Variants in ADGRL3 observed in about 807,000 individuals in gnomAD.
ADGRL3 encodes the protein calcium-independent alpha-latrotoxin receptor 3.
In ADGRL3, 62 loss-of-function variants were observed where a neutral mutation model predicts 153.5. The observed-to-expected ratio is 0.40, with a 90% CI of 0.33 to 0.50. The LOEUF is 0.50. ADGRL3 is among the 20% of genes least tolerant of loss of function. The pLI, the probability that ADGRL3 is intolerant of heterozygous loss-of-function variation, is 0.47. For synonymous variants in ADGRL3, 710 were observed against 672.5 expected (o/e 1.06, Z -0.86); for missense variants, 1,641 against 1,859.4 (o/e 0.88, Z 2.16).
rs367957566 is a variant in ADGRL3, at chr4:61,801,272, AT to A, written c.1400-12528del. 9.0e-3 allele frequency among the ~76,000 whole-genome samples: 1,365 copies of A among 151,626 alleles called. 15 individuals carry two copies. Among genetic ancestry groups the A allele is most frequent in the African/African-American group, 0.031 (1,291 of 41,360 alleles). On this transcript the variant is annotated intron_variant, in intron 8 of 26. Coordinates refer to ENST00000683033, the MANE Select transcript of ADGRL3 (RefSeq NM_001387552.1). ...TAATGGCTTTTGGTAGGTATATGTGATTTTTTTTTCTTGAGATATTAATACA... is the reference window on the plus strand; with the variant it reads ...TAATGGCTTTTGGTAGGTATATGTGATTTTTTTTCTTGAGATATTAATACA...
chr4:61,789,005 A>G (rs2097309219), intron 8 of ADGRL3, among the ~76,000 whole-genome samples: 1 of 152,180 alleles, frequency 6.6e-6, no homozygotes, highest in South Asian at 2.1e-4. Context: ...TTCACTTTTA[A>G]AATTAGAGAA....
chr4:61,452,883 C>T (rs1023083290), intron 2 of ADGRL3, among the ~76,000 whole-genome samples: 2 of 151,948 alleles, frequency 1.3e-5, no homozygotes, highest in Admixed American at 6.6e-5. Context: ...TTTATTATTA[C>T]TTTTCTGAGT....
intron 1 of ADGRL3, among the ~76,000 whole-genome samples, chr4:61,208,847 T>C (rs141729249): frequency 1.3e-5 from 2 of 152,240 alleles, no homozygotes; most frequent in Non-Finnish European, 2.9e-5. Context: ...TGTTAATCAC[T>C]ATCTAAGCAC....
At chr4:61,242,496 A>G (rs989044778) in intron 1 of ADGRL3, among the ~76,000 whole-genome samples, 1 of 152,084 alleles carries the variant, frequency 6.6e-6, no homozygotes, top group African/African-American at 2.4e-5. Flanking sequence ...ATTTGAATCA[A>G]TGGCCATTTA....
chr4:61,939,933 T>A lies in ADGRL3; in HGVS notation c.2419+3888T>A, dbSNP rs536327071. ...GCATAGTATATTCTATTTTTTTTTT[T>A]AATTTTTTTATTATACTCTAAGTTT... On this transcript the variant is annotated intron_variant, in intron 15 of 26. Coordinates refer to ENST00000683033, the MANE Select transcript of ADGRL3 (RefSeq NM_001387552.1). Among the ~76,000 whole-genome samples the A allele has an allele frequency of 3.3e-4, 50 of 152,124 alleles. No homozygotes were observed. In the South Asian group the frequency reaches 3.5e-3, roughly 11 times the overall value.
At position 61,497,217 on chromosome 4, in the gene ADGRL3, A is replaced by G; in HGVS notation, c.-77A>G. The G allele has an allele frequency of 2.4e-6, 2 of 828,844 alleles. No individual in the cohort carries two copies. The highest frequency in any genetic ancestry group is 3.9e-6 in the Non-Finnish European group (2 of 511,250). 51.3% of individuals were successfully genotyped at this position (828,844 alleles called of 1,614,324 possible). On this transcript the variant is annotated 5_prime_UTR_variant, in exon 3 of 27. Coordinates refer to ENST00000683033, the MANE Select transcript of ADGRL3 (RefSeq NM_001387552.1). ...TCATCAGTCTTGGAATACAGAAGAG[A>G]AACTAGAAATATACGTATTTTGTTT...
rs539957948 is a variant in ADGRL3, at chr4:61,728,704, A to T, written c.584-1918A>T. Among the ~76,000 whole-genome samples, 210 of 152,216 alleles carry T rather than the reference A, an allele frequency of 1.4e-3. 1 individual carries two copies. Among genetic ancestry groups the T allele is most frequent in the Non-Finnish European group, 2.1e-3 (142 of 67,936 alleles). ...TATCTAAGGCTATTTCAAGGAACCAAATTAGTTCTGAAAACTTCTTTGTAG... is the reference window on the plus strand; with the variant it reads ...TATCTAAGGCTATTTCAAGGAACCATATTAGTTCTGAAAACTTCTTTGTAG... On this transcript the variant is annotated intron_variant, in intron 6 of 26. Coordinates refer to ENST00000683033, the MANE Select transcript of ADGRL3 (RefSeq NM_001387552.1).
At chr4:62,039,229 T>C (rs1217084829) in intron 24 of ADGRL3, among the ~76,000 whole-genome samples, 1 of 152,154 alleles carries the variant, frequency 6.6e-6, no homozygotes, top group Non-Finnish European at 1.5e-5. Context: ...TCAAATATCA[T>C]TTATAAATTT....
rs541528630 is a variant in ADGRL3, at chr4:61,471,914, GTATAA to G, written c.-173-25199_-173-25195del. 2.5e-3 allele frequency among the ~76,000 whole-genome samples: 385 copies of G among 152,046 alleles called. 1 individual carries two copies. The highest frequency in any genetic ancestry group is 8.8e-3 in the African/African-American group (367 of 41,510). The stretch of plus-strand genomic sequence containing the variant: ...GAAGGAAATGTATTTAAGAAATACA[GTATAA>G]TATAATACGATTATTTATTACAATA... On this transcript the variant is annotated intron_variant, in intron 2 of 26. Coordinates refer to ENST00000683033, the MANE Select transcript of ADGRL3 (RefSeq NM_001387552.1).
rs1049046165 is a variant in ADGRL3 at position 61,849,640 on chromosome 4, G to T, written c.1480+35751G>T. ...CCATTTTACATATAAACTATGTGGA[G>T]CATTTAGAAACAGTTCTGTGTGTTC... On this transcript the variant is annotated intron_variant, in intron 9 of 26. Transcript: ENST00000683033. Among the ~76,000 whole-genome samples the T allele has an allele frequency of 2.0e-5, 3 of 152,034 alleles. No homozygotes were observed. In the South Asian group the frequency reaches 6.2e-4, roughly 31 times the overall value.
At chr4:62,007,926 G>A (rs1353927049) in intron 21 of ADGRL3, among the ~76,000 whole-genome samples, 1 of 152,104 alleles carries the variant, frequency 6.6e-6, no homozygotes, top group Non-Finnish European at 1.5e-5. Context: ...CTGCAAAGTG[G>A]ATTGAGGAGT....
intron 3 of ADGRL3, among the ~76,000 whole-genome samples, chr4:61,515,605 T>C (rs1450650070): frequency 1.3e-5 from 2 of 152,084 alleles, no homozygotes; most frequent in Admixed American, 6.6e-5. Flanking sequence ...AATGAAAAAA[T>C]AAGCACATTC....
intron 2 of ADGRL3, among the ~76,000 whole-genome samples, chr4:61,457,472 C>T (rs2097767018): frequency 6.6e-6 from 1 of 152,052 alleles, no homozygotes; most frequent in South Asian, 2.1e-4. Flanking sequence ...CCAGAACTCT[C>T]AGCTTAAATC....
intron 5 of ADGRL3, among the ~76,000 whole-genome samples, chr4:61,675,688 G>A (rs2095166241): frequency 1.8e-5 from 2 of 113,490 alleles, no homozygotes; most frequent in African/African-American, 6.0e-5. Context: ...TGGGAACATA[G>A]TCAATGTGTA....
intron 1 of ADGRL3, among the ~76,000 whole-genome samples, chr4:61,337,236 C>A (rs1238964569): frequency 6.6e-6 from 1 of 152,092 alleles, no homozygotes; most frequent in Non-Finnish European, 1.5e-5. Flanking sequence ...TTTGTGGGTA[C>A]CTTGTCTGAT....
Position 61,947,119 on chromosome 4 carries a change from CA to C in ADGRL3, c.2627del (p.Lys876SerfsTer21). ...DPVVFTVKHI[K>X]QSEENFNPNC... Reference sequence around the variant, plus strand: ...CTGTGGTATTTACTGTTAAACATATCAAGGTAAGAAAATGGCATATTAGCTT... The same window carrying C: ...CTGTGGTATTTACTGTTAAACATATCAGGTAAGAAAATGGCATATTAGCTT... On this transcript the variant is annotated frameshift_variant and splice_region_variant, in exon 16 of 27. Transcript: ENST00000683033. LOFTEE classifies it high-confidence loss of function. 1 of 1,611,686 alleles carries C rather than the reference CA, an allele frequency of 6.2e-7. No individual in the cohort carries two copies. Among genetic ancestry groups the C allele is most frequent in the Non-Finnish European group, 8.5e-7 (1 of 1,177,948 alleles).
intron 2 of ADGRL3, among the ~76,000 whole-genome samples, chr4:61,396,505 C>T (rs1355570618): frequency 6.6e-6 from 1 of 151,786 alleles, no homozygotes; most frequent in Middle Eastern, 3.2e-3. Flanking sequence ...ACTTGGTTTA[C>T]ATTGGCTGAA....
Position 61,269,495 on chromosome 4 carries a change from C to T in ADGRL3, c.-240+67730C>T, listed in dbSNP as rs376613827. Among the ~76,000 whole-genome samples the T allele has an allele frequency of 7.3e-3, 1,113 of 151,702 alleles. 10 individuals carry two copies. Among genetic ancestry groups the T allele is most frequent in the Middle Eastern group, 0.014 (4 of 294 alleles). On this transcript the variant is annotated intron_variant, in intron 1 of 26. Transcript: ENST00000683033. ...AATCATCTTTCATTATCATGCCCAC[C>T]TTTGCCAAGTTTTTAATGTATCTGT...
intron 15 of ADGRL3, among the ~76,000 whole-genome samples, chr4:61,946,639 T>G (rs2098925938): frequency 6.6e-6 from 1 of 152,190 alleles, no homozygotes; most frequent in African/African-American, 2.4e-5. Context: ...AGCCTTATGA[T>G]TCTGGTTTTT....
Sources: allele counts gnomAD v4.1 joint callset (sites outside exome capture counted in the v4.1 genomes callset), GRCh38; gene constraint gnomAD v4.1.1; transcripts MANE v1.5; gene names NCBI Gene and HGNC (gene_info 2026-07-23, HGNC 2026-07-21).